Variants in CEP63 observed in about 807,000 individuals in gnomAD.
The protein encoded by CEP63 is centrosomal protein of 63 kDa.
Under a neutral mutation model 89.1 loss-of-function variants are expected in CEP63, and 84 were observed. The observed-to-expected ratio is 0.94, with a 90% CI of 0.79 to 1.13. CEP63 has a LOEUF of 1.13. Among genes scored for constraint, CEP63 ranks in the 50% most tolerant of loss-of-function variants. The pLI is 0.00. For synonymous variants in CEP63, 267 were observed against 272.5 expected (o/e 0.98, Z 0.20); for missense variants, 838 against 813.3 (o/e 1.03, Z -0.37).
At chr3:134,572,260 T>G (rs1958038896) in intron 11 of CEP63, among the ~76,000 whole-genome samples, 1 of 152,204 alleles carries the variant, frequency 6.6e-6, no homozygotes, top group South Asian at 2.1e-4. Flanking sequence ...AAAAATAATT[T>G]CAACTTTTAT....
At chr3:134,591,945 C>T (rs1019442222), downstream of CEP63, among the ~76,000 whole-genome samples, 4 of 152,132 alleles carry the variant, frequency 2.6e-5, no homozygotes, top group African/African-American at 9.7e-5. Flanking sequence ...TATTAGCTAT[C>T]TACGGCTGTG....
At chr3:134,771,110 A>G in the CEP63 span, among the ~76,000 whole-genome samples, 1 of 152,120 alleles carries the variant, frequency 6.6e-6, no homozygotes, top group African/African-American at 2.4e-5. Flanking sequence ...ATCTTCCCTC[A>G]CTGGAATAAG....
At chr3:134,551,794 T>A (rs1003392583) in intron 11 of CEP63, 132 bp from the exon 12 acceptor site, 9 of 212,328 alleles carry the variant, frequency 4.2e-5, no homozygotes, top group Admixed American at 5.9e-5. Context: ...TATATATATA[T>A]AAATATGTAT....
chr3:134,522,744 C>T (rs926558142), intron 3 of CEP63, among the ~76,000 whole-genome samples: 1 of 152,050 alleles, frequency 6.6e-6, no homozygotes, highest in Non-Finnish European at 1.5e-5. Flanking sequence ...AAGACGTGAT[C>T]TCATTCTTTT....
the CEP63 span, among the ~76,000 whole-genome samples, chr3:134,598,471 C>T: frequency 3.3e-5 from 5 of 152,202 alleles, no homozygotes; most frequent in Non-Finnish European, 7.3e-5. Flanking sequence ...GAAACCTTGT[C>T]TTAACAACCC....
the CEP63 span, among the ~76,000 whole-genome samples, chr3:134,642,873 C>A: frequency 6.6e-6 from 1 of 152,186 alleles, no homozygotes; most frequent in Non-Finnish European, 1.5e-5. Flanking sequence ...ACATGACAGC[C>A]TTTCCAAGCC....
At chr3:134,723,017 C>T in the CEP63 span, among the ~76,000 whole-genome samples, 3 of 152,192 alleles carry the variant, frequency 2.0e-5, no homozygotes, top group East Asian at 1.9e-4. Flanking sequence ...TAAGTCCACT[C>T]GGCTGTCCAC....
chr3:134,781,685 ACTTATT>A, the CEP63 span, among the ~76,000 whole-genome samples: 3 of 152,364 alleles, frequency 2.0e-5, no homozygotes, highest in East Asian at 5.8e-4. Flanking sequence ...TTAAAAAATT[ACTTATT>A]CTTATTTGTT....
the CEP63 span, among the ~76,000 whole-genome samples, chr3:134,746,071 C>G: frequency 0.028 from 4,298 of 151,708 alleles, 90 homozygotes; most frequent in Middle Eastern, 0.069. Context: ...CTCCACCACC[C>G]CCCCCACCCC....
chr3:134,680,889 C>G, the CEP63 span, among the ~76,000 whole-genome samples: 2 of 152,238 alleles, frequency 1.3e-5, no homozygotes, highest in East Asian at 3.8e-4. Context: ...GAACTTGCTT[C>G]TGAAGCCTGA....
the CEP63 span, among the ~76,000 whole-genome samples, chr3:134,755,232 TGAG>T: frequency 3.5e-4 from 1 of 2,844 alleles, no homozygotes. Context: ...CCCTGAACCC[TGAG>T]CCCTGAGCCC....
chr3:134,573,491 C>T (rs1164455476), intron 11 of CEP63, among the ~76,000 whole-genome samples: 1 of 152,164 alleles, frequency 6.6e-6, no homozygotes, highest in Non-Finnish European at 1.5e-5. Context: ...ATCCCAGCAC[C>T]GTTTGTTGAA....
intron 10 of CEP63, among the ~76,000 whole-genome samples, chr3:134,580,411 C>A (rs1169541338): frequency 6.6e-6 from 1 of 152,084 alleles, no homozygotes; most frequent in African/African-American, 2.4e-5. Context: ...TTAAAATGTG[C>A]ACTTATACAG....
At position 134,545,772 on chromosome 3, in the gene CEP63, C is replaced by G. The variant is rs145706998; in HGVS notation, c.742C>G (p.Gln248Glu). ...VGTSMTVLQE[Q>E]QQKEEKLRES... ...AACCAGTATGACTGTCCTACAGGAG[C>G]AGCAGCAAAAAGAAGAAAAATTGAG... The change falls in exon 7 of 15, where the codon CAG becomes GAG. Residue 248 changes from glutamine (Q) to glutamate (E), a missense_variant. Transcript: ENST00000675561. 2.2e-5 allele frequency: 36 copies of G among 1,613,270 alleles called. No homozygotes were observed. The highest frequency in any genetic ancestry group is 2.9e-5 in the Non-Finnish European group (34 of 1,179,780).
the CEP63 span, among the ~76,000 whole-genome samples, chr3:134,612,796 T>TG: frequency 4.0e-5 from 6 of 148,980 alleles, no homozygotes; most frequent in Non-Finnish European, 7.5e-5. Context: ...TGTGTGTGTG[T>TG]TGCCTGCATG....
the CEP63 span, among the ~76,000 whole-genome samples, chr3:134,723,295 C>A: frequency 4.6e-5 from 7 of 152,164 alleles, no homozygotes; most frequent in Non-Finnish European, 7.3e-5. Flanking sequence ...ACAGCCATAG[C>A]GTGCTAGTTC....
the CEP63 span, among the ~76,000 whole-genome samples, chr3:134,738,249 TACACACACACAC>T: frequency 9.4e-4 from 136 of 145,322 alleles, no homozygotes; most frequent in East Asian, 2.8e-3. Flanking sequence ...TATTCCATCA[TACACACACACAC>T]ACACACACAC....
At chr3:134,707,701 CT>C in the CEP63 span, among the ~76,000 whole-genome samples, 1 of 150,056 alleles carries the variant, frequency 6.7e-6, no homozygotes, top group African/African-American at 2.4e-5. Flanking sequence ...AAATGCACCC[CT>C]GGTAAAGAAG....
At chr3:134,710,706 C>CT in the CEP63 span, among the ~76,000 whole-genome samples, 22 of 142,160 alleles carry the variant, frequency 1.5e-4, no homozygotes, top group Non-Finnish European at 2.6e-4. Context: ...TTATCCATTC[C>CT]TTTTTTTTTC....
Sources: allele counts gnomAD v4.1 joint callset (sites outside exome capture counted in the v4.1 genomes callset), GRCh38; gene constraint gnomAD v4.1.1; transcripts MANE v1.5; gene names NCBI Gene and HGNC (gene_info 2026-07-23, HGNC 2026-07-21).